SPOPL: variants seen among roughly 807,000 people sequenced by gnomAD.
SPOPL encodes speckle-type POZ protein-like.
A neutral mutation model predicts 53.8 loss-of-function variants in SPOPL; 23 were observed. The observed-to-expected ratio is 0.43, with a 90% CI of 0.31 to 0.61. The LOEUF (loss-of-function observed/expected upper bound fraction) is 0.61. Ranked by LOEUF, SPOPL falls within the 20% of genes least tolerant of loss-of-function variation. The pLI, the probability that SPOPL is intolerant of heterozygous loss-of-function variation, is 0.12. For missense variants in SPOPL, 442 were observed against 466.9 expected (o/e 0.95, Z 0.49); for synonymous variants, 164 against 149.7 (o/e 1.10, Z -0.70).
chr2:138,541,256 AT>A (rs1194700781), intron 1 of SPOPL, among the ~76,000 whole-genome samples: 5 of 152,324 alleles, frequency 3.3e-5, no homozygotes, highest in African/African-American at 1.2e-4. Flanking sequence ...TGCTGGCCTC[AT>A]AAAATGAGTT....
At chr2:138,528,913 T>TA (rs1684735757) in intron 1 of SPOPL, among the ~76,000 whole-genome samples, 1 of 152,152 alleles carries the variant, frequency 6.6e-6, no homozygotes, top group African/African-American at 2.4e-5. Context: ...ATCTTCTTCT[T>TA]AGAGTTAATT....
intron 1 of SPOPL, among the ~76,000 whole-genome samples, chr2:138,528,487 T>C (rs1027061680): frequency 6.6e-6 from 1 of 152,250 alleles, no homozygotes; most frequent in Non-Finnish European, 1.5e-5. Flanking sequence ...TTGTTATTGG[T>C]TTATTTTTTT....
intron 10 of SPOPL, among the ~76,000 whole-genome samples, chr2:138,567,656 T>C (rs1340942509): frequency 6.6e-6 from 1 of 152,078 alleles, no homozygotes. Flanking sequence ...GTGGCAATAG[T>C]AGTTGAGAAA....
chr2:138,526,306 T>C (rs554101434), intron 1 of SPOPL, among the ~76,000 whole-genome samples: 10 of 152,130 alleles, frequency 6.6e-5, no homozygotes, highest in South Asian at 4.1e-4. Flanking sequence ...CTCATCTGAT[T>C]GTTGTTGTTT....
intron 1 of SPOPL, among the ~76,000 whole-genome samples, chr2:138,536,916 A>G (rs1417446452): frequency 1.3e-5 from 2 of 152,142 alleles, no homozygotes; most frequent in East Asian, 3.9e-4. Flanking sequence ...GTGTATCTCT[A>G]CTGTAGGAGC....
rs1328392787 is a variant in SPOPL at position 138,572,558 on chromosome 2, A to G, written c.*3478A>G. 2 of 152,540 alleles carry G rather than the reference A, an allele frequency of 1.3e-5. No individual in the cohort carries two copies. Among genetic ancestry groups the G allele is most frequent in the African/African-American group, 4.8e-5 (2 of 41,448 alleles). 9.4% of individuals were successfully genotyped at this position (152,540 alleles called of 1,614,324 possible). ...GAGCCAAGTATACTTGAAGAGGTGA[A>G]TTATTCTGACTTGGACATGCATGCT... is the stretch of plus-strand genomic sequence containing the variant. On this transcript the variant is annotated 3_prime_UTR_variant, in exon 11 of 11. Transcript: ENST00000280098.
In SPOPL at chr2:138,504,197, G is replaced by A. The variant is rs540384394; in HGVS notation, c.-61+2078G>A. 2.0e-5 allele frequency among the ~76,000 whole-genome samples: 3 copies of A among 152,248 alleles called. No individual in the cohort carries two copies. The East Asian group carries it at 5.8e-4, about 29-fold the overall frequency. Reference sequence around the variant, plus strand: ...AAATAAAAATGTTTTTCCATTTATAGTTTAAAATCATTCTTGTGCCACCAT... The same window carrying A: ...AAATAAAAATGTTTTTCCATTTATAATTTAAAATCATTCTTGTGCCACCAT... On this transcript the variant is annotated intron_variant, in intron 1 of 10. Coordinates refer to ENST00000280098, the MANE Select transcript of SPOPL (RefSeq NM_001001664.3).
intron 2 of SPOPL, 33 bp from the exon 3 acceptor site, chr2:138,550,447 GTCA>G: frequency 6.3e-7 from 1 of 1,596,314 alleles, no homozygotes; most frequent in Non-Finnish European, 8.6e-7. Flanking sequence ...AAGTATTACC[GTCA>G]TCATTATAAA....
chr2:138,550,496 A>C lies in SPOPL; in HGVS notation c.92A>C (p.Lys31Thr). ...TGAATCTCTTAGGTTAAAGTAGTAA[A>C]ATTTTCCTATATGTGGACCATTAAT... ...SWCYTQVKVVKFSYMWTINNF... is the reference protein window; with the variant it reads ...SWCYTQVKVVTFSYMWTINNF... Residue 31 changes from lysine (K) to threonine (T), a missense_variant, in exon 3 of 11, where the codon AAA becomes ACA. Lys to Thr is a moderately conservative substitution (Grantham distance 78). Transcript: ENST00000280098. 6.2e-7 allele frequency: 1 copy of C among 1,607,496 alleles called. No homozygotes were observed. Among genetic ancestry groups the C allele is most frequent in the Non-Finnish European group, 8.5e-7 (1 of 1,176,070 alleles).
chr2:138,547,990 G>C (rs532116032), intron 1 of SPOPL, among the ~76,000 whole-genome samples: 1 of 152,124 alleles, frequency 6.6e-6, no homozygotes, highest in African/African-American at 2.4e-5. Flanking sequence ...ACTGTGCTCA[G>C]AATTATCTTT....
At chr2:138,530,315 A>G (rs915382677) in intron 1 of SPOPL, among the ~76,000 whole-genome samples, 4 of 152,126 alleles carry the variant, frequency 2.6e-5, no homozygotes, top group Admixed American at 1.3e-4. Flanking sequence ...TGTCTTTATG[A>G]TAGAATAATT....
At chr2:138,529,490 G>T (rs1018888547) in intron 1 of SPOPL, among the ~76,000 whole-genome samples, 16 of 138,890 alleles carry the variant, frequency 1.2e-4, no homozygotes, top group African/African-American at 3.6e-4. Flanking sequence ...GTGTGTGTAT[G>T]CATGTGCCTG....
intron 5 of SPOPL, among the ~76,000 whole-genome samples, chr2:138,556,732 A>G (rs1685432631): frequency 6.6e-6 from 1 of 152,206 alleles, no homozygotes; most frequent in Admixed American, 6.5e-5. Flanking sequence ...TTATTTATAC[A>G]ATATCTTGTG....
intron 1 of SPOPL, among the ~76,000 whole-genome samples, chr2:138,529,536 T>TGCG (rs72375808): frequency 2.2e-4 from 21 of 97,586 alleles, no homozygotes; most frequent in Non-Finnish European, 4.0e-4. Flanking sequence ...GTGTGTGTGT[T>TGCG]TGCGTGCGCG....
chr2:138,507,150 CTGTT>C lies in SPOPL; in HGVS notation c.-61+5034_-61+5037del, dbSNP rs57065869. Among the ~76,000 whole-genome samples, 1,434 of 152,230 alleles carry C rather than the reference CTGTT, an allele frequency of 9.4e-3. 26 individuals carry two copies. The highest frequency in any genetic ancestry group is 0.033 in the African/African-American group (1,364 of 41,538). ...TTCTGGTTGTCAATACACCCATAAA[CTGTT>C]TGATGATGAATTTTGTATTAATCTG... is the stretch of plus-strand genomic sequence containing the variant. On this transcript the variant is annotated intron_variant, in intron 1 of 10. Transcript: ENST00000280098.
chr2:138,569,532 AT>A lies in SPOPL; in HGVS notation c.*454del, dbSNP rs1293735098. The A allele has an allele frequency of 6.5e-6, 1 of 152,794 alleles. No homozygotes were observed. Among genetic ancestry groups the A allele is most frequent in the African/African-American group, 2.4e-5 (1 of 41,432 alleles). The allele number at this position is 152,794 out of a possible 1,614,324, so 9.5% of individuals were successfully genotyped here. ...CTCTTTAAAAGCACTTGTATTGGAG[AT>A]TACCAGTAATATCTCCAATCTAAGT... On this transcript the variant is annotated 3_prime_UTR_variant, in exon 11 of 11. Transcript: ENST00000280098.
At chr2:138,535,761 C>T (rs1684918329) in intron 1 of SPOPL, among the ~76,000 whole-genome samples, 1 of 151,944 alleles carries the variant, frequency 6.6e-6, no homozygotes, top group Admixed American at 6.6e-5. Flanking sequence ...CTGATACTCC[C>T]ATTATATACA....
chr2:138,540,607 T>C (rs1171004984), intron 1 of SPOPL, among the ~76,000 whole-genome samples: 2 of 152,234 alleles, frequency 1.3e-5, no homozygotes, highest in South Asian at 4.2e-4. Flanking sequence ...CCTGAGACTT[T>C]GCTGAAGTTG....
intron 5 of SPOPL, among the ~76,000 whole-genome samples, chr2:138,555,254 A>G (rs1215871426): frequency 6.6e-6 from 1 of 151,876 alleles, no homozygotes; most frequent in African/African-American, 2.4e-5. Flanking sequence ...TAACCTAATT[A>G]CCTCTGAAAG....
Sources: gnomAD v4.1 joint callset for allele counts (sites outside exome capture counted in the v4.1 genomes callset) on GRCh38, gnomAD v4.1.1 for gene constraint, MANE v1.5 for transcripts, NCBI Gene and HGNC (gene_info 2026-07-23, HGNC 2026-07-21) for gene names.